ABCE1: variants seen among roughly 807,000 people sequenced by gnomAD.
ABCE1 encodes the protein ATP binding cassette subfamily E member 1, also known as ATP-binding cassette sub-family E member 1.
Under a neutral mutation model 83.4 loss-of-function variants are expected in ABCE1, and 22 were observed. That is an observed-to-expected ratio of 0.26 (90% CI 0.19 to 0.38). The LOEUF (loss-of-function observed/expected upper bound fraction) is 0.38. Ranked by LOEUF, ABCE1 falls within the 10% of genes least tolerant of loss-of-function variation. The pLI is 1.00. For synonymous variants in ABCE1, 204 were observed against 233.7 expected (o/e 0.87, Z 1.16); for missense variants, 330 against 721.9 (o/e 0.46, Z 6.22).
At chr4:145,125,138 A>G in intron 17 of ABCE1, 37 bp downstream of exon 17, 1 of 1,392,960 alleles carries the variant, frequency 7.2e-7, no homozygotes, top group Non-Finnish European at 1.0e-6. Flanking sequence ...TGGATTACTG[A>G]TCTCAGTATA....
In ABCE1 at chr4:145,110,456, T is replaced by C. The variant is rs754388435; in HGVS notation, c.613+12T>C. On this transcript the variant is annotated intron_variant, in intron 7 of 17. Transcript: ENST00000296577. Reference sequence around the variant, plus strand: ...ATGTCAGCAGCTTGGTAAGTGTTTATTTTTTGTTTGTGTGAATATATATTT... The same window carrying C: ...ATGTCAGCAGCTTGGTAAGTGTTTACTTTTTGTTTGTGTGAATATATATTT... 6.2e-7 allele frequency: 1 copy of C among 1,609,804 alleles called. No individual in the cohort carries two copies. Among genetic ancestry groups the C allele is most frequent in the South Asian group, 1.1e-5 (1 of 90,724 alleles).
At chr4:145,122,726 G>T (rs140371073) in intron 13 of ABCE1, 2 of 201,778 alleles carry the variant, frequency 9.9e-6, no homozygotes, top group Admixed American at 5.5e-5. Flanking sequence ...TGGGAGGATC[G>T]CTTGAGCTTG....
At chr4:145,120,225 G>GA in intron 11 of ABCE1, 72 bp downstream of exon 11, 2 of 1,322,212 alleles carry the variant, frequency 1.5e-6, no homozygotes, top group Non-Finnish European at 2.1e-6. Context: ...CTGTTTTGTG[G>GA]AAAAATTTGA....
intron 17 of ABCE1, among the ~76,000 whole-genome samples, chr4:145,127,288 A>G (rs1352707452): frequency 2.6e-5 from 4 of 152,198 alleles, no homozygotes; most frequent in Non-Finnish European, 5.9e-5. Flanking sequence ...CATCTTATAT[A>G]AAGGGACTTT....
At chr4:145,101,198 A>C (rs1749146641) in intron 1 of ABCE1, among the ~76,000 whole-genome samples, 1 of 152,192 alleles carries the variant, frequency 6.6e-6, no homozygotes, top group Admixed American at 6.5e-5. Flanking sequence ...GTGTAGTTAC[A>C]AAAGGCTCAC....
At chr4:145,109,380 A>G (rs779225094) in intron 5 of ABCE1, 131 bp downstream of exon 5, 18 of 532,664 alleles carry the variant, frequency 3.4e-5, no homozygotes, top group Non-Finnish European at 5.3e-5. Context: ...AGAAATTTAT[A>G]AACAAAGCTC....
chr4:145,099,583 G>C (rs1434209570), intron 1 of ABCE1, among the ~76,000 whole-genome samples: 1 of 152,144 alleles, frequency 6.6e-6, no homozygotes, highest in Admixed American at 6.5e-5. Context: ...TCTAACAATT[G>C]GGAGAGAGGG....
chr4:145,108,263 A>C, intron 4 of ABCE1, 151 bp downstream of exon 4: 1 of 728,018 alleles, frequency 1.4e-6, no homozygotes, highest in East Asian at 2.7e-5. Context: ...ATCATACTGC[A>C]TATGTCTGTG....
At chr4:145,101,409 C>T (rs1579207164) in intron 1 of ABCE1, among the ~76,000 whole-genome samples, 3 of 152,214 alleles carry the variant, frequency 2.0e-5, no homozygotes, top group African/African-American at 4.8e-5. Context: ...CTGATCAATG[C>T]CTCATTGATT....
chr4:145,118,248 TC>T, intron 10 of ABCE1, among the ~76,000 whole-genome samples: 1 of 150,444 alleles, frequency 6.6e-6, no homozygotes, highest in Middle Eastern at 3.4e-3. Context: ...TTGGTTTCTT[TC>T]TTTCTTTTTT....
At position 145,120,243 on chromosome 4, in the gene ABCE1, G is replaced by T. The variant is rs185514971; in HGVS notation, c.1144+90G>T. The T allele has an allele frequency of 9.0e-6, 10 of 1,110,830 alleles. No individual in the cohort carries two copies. In the East Asian group the frequency reaches 2.5e-4, roughly 28 times the overall value. The allele number at this position is 1,110,830 out of a possible 1,614,324, so 68.8% of individuals were successfully genotyped here. ...TTTTGTGGAAAAATTTGAATCATAT[G>T]TTATAGGGCTAGAAGCAGAGTTTTA... On this transcript the variant is annotated intron_variant, in intron 11 of 17. Coordinates refer to ENST00000296577, the MANE Select transcript of ABCE1 (RefSeq NM_002940.3).
chr4:145,098,789 C>T (rs577116998), intron 1 of ABCE1, among the ~76,000 whole-genome samples: 53 of 152,374 alleles, frequency 3.5e-4, no homozygotes, highest in Non-Finnish European at 4.1e-4. Flanking sequence ...CTAGTACCCC[C>T]ACACTCCTCC....
rs567668504 is a variant in ABCE1 at position 145,118,241 on chromosome 4, GTTTC to G, written c.922+839_922+842del. On this transcript the variant is annotated intron_variant, in intron 10 of 17. Transcript: ENST00000296577. ...TCCCTAAGAGGTGACAGGTTTTTTG[GTTTC>G]TTTCTTTCTTTTTTTTTTTTTTAAT... 8.8e-4 allele frequency among the ~76,000 whole-genome samples: 131 copies of G among 148,254 alleles called. No homozygotes were observed. The South Asian group carries it at 9.9e-3, about 11-fold the overall frequency.
chr4:145,108,516 G>A (rs960143407), intron 4 of ABCE1, among the ~76,000 whole-genome samples: 1 of 152,162 alleles, frequency 6.6e-6, no homozygotes, highest in African/African-American at 2.4e-5. Context: ...GATCTACAGA[G>A]AATATCACTT....
At chr4:145,123,632 T>G (rs770040675) in intron 16 of ABCE1, 32 bp downstream of exon 16, 1 of 1,540,516 alleles carries the variant, frequency 6.5e-7, no homozygotes, top group South Asian at 1.2e-5. Flanking sequence ...TTCAAAGTAA[T>G]TCATTTTAAA....
chr4:145,126,487 G>A (rs1335419711), intron 17 of ABCE1, among the ~76,000 whole-genome samples: 1 of 152,050 alleles, frequency 6.6e-6, no homozygotes, highest in Non-Finnish European at 1.5e-5. Context: ...GATAGAGATG[G>A]GGTTTCACCA....
intron 8 of ABCE1, among the ~76,000 whole-genome samples, chr4:145,111,279 A>T (rs1312322266): frequency 6.6e-6 from 1 of 152,210 alleles, no homozygotes. Context: ...ATAGTTTATA[A>T]CTGATAGGTG....
At chr4:145,115,570 A>G (rs1198441827) in intron 9 of ABCE1, among the ~76,000 whole-genome samples, 1 of 151,806 alleles carries the variant, frequency 6.6e-6, no homozygotes, top group East Asian at 1.9e-4. Flanking sequence ...TACTCCTGAA[A>G]TGTTTTCTCA....
At chr4:145,103,838 T>C (rs1749220185) in intron 1 of ABCE1, among the ~76,000 whole-genome samples, 1 of 150,582 alleles carries the variant, frequency 6.6e-6, no homozygotes, top group African/African-American at 2.4e-5. Flanking sequence ...CTCAGCTCAC[T>C]GTAACCTCCA....
Sources: gnomAD v4.1 joint callset for allele counts (sites outside exome capture counted in the v4.1 genomes callset) on GRCh38, gnomAD v4.1.1 for gene constraint, MANE v1.5 for transcripts, NCBI Gene and HGNC (gene_info 2026-07-23, HGNC 2026-07-21) for gene names.